CLEC16A: variants seen among roughly 807,000 people sequenced by gnomAD.
CLEC16A encodes protein CLEC16A.
In CLEC16A, 51 loss-of-function variants were observed where a neutral mutation model predicts 109.5. The ratio of observed to expected loss-of-function variants is 0.47; its 90% confidence interval spans 0.37 to 0.59. The LOEUF (loss-of-function observed/expected upper bound fraction) is 0.59, where lower values mean the gene tolerates loss of function less well. Among genes scored for constraint, CLEC16A ranks in the 20% least tolerant of loss-of-function variants. CLEC16A has a pLI of 0.00. For missense variants in CLEC16A, 1,339 were observed against 1,394.0 expected (o/e 0.96, Z 0.63); for synonymous variants, 673 against 564.2 (o/e 1.19, Z -2.73).
At chr16:11,123,240 C>G (rs1055310383) in intron 20 of CLEC16A, among the ~76,000 whole-genome samples, 3 of 152,140 alleles carry the variant, frequency 2.0e-5, no homozygotes, top group African/African-American at 7.2e-5. Context: ...CCTTTGGGGA[C>G]CAGAAGTTTG....
chr16:10,996,411 G>A (rs977255558), intron 10 of CLEC16A, among the ~76,000 whole-genome samples: 2 of 152,176 alleles, frequency 1.3e-5, no homozygotes, highest in Admixed American at 6.5e-5. Context: ...CCAGCCCCAG[G>A]TGACCTAGGC....
intron 22 of CLEC16A, chr16:11,157,329 G>A (rs2054571576): frequency 2.3e-6 from 2 of 860,426 alleles, no homozygotes; most frequent in South Asian, 2.1e-5. Context: ...CCAGGTGCCT[G>A]ATGTGTAGAC....
chr16:11,051,675 C>A (rs773618726), intron 18 of CLEC16A, 34 bp downstream of exon 18: 2 of 1,608,014 alleles, frequency 1.2e-6, no homozygotes, highest in Admixed American at 3.3e-5. Context: ...TCTCCTGGGC[C>A]ACTGTTCTCC....
At chr16:11,053,448 A>G (rs992159941) in intron 18 of CLEC16A, among the ~76,000 whole-genome samples, 20 of 151,520 alleles carry the variant, frequency 1.3e-4, no homozygotes, top group Admixed American at 9.9e-4. Context: ...GCTCACTGCA[A>G]CACACTCTGC....
At chr16:11,094,295 G>A (rs2050479348) in intron 19 of CLEC16A, among the ~76,000 whole-genome samples, 1 of 152,160 alleles carries the variant, frequency 6.6e-6, no homozygotes, top group African/African-American at 2.4e-5. Context: ...GGTTCCAGAG[G>A]CTTGACTCAG....
At chr16:11,064,086 AC>A (rs2048635814) in intron 19 of CLEC16A, among the ~76,000 whole-genome samples, 2 of 152,236 alleles carry the variant, frequency 1.3e-5, no homozygotes, top group Admixed American at 1.3e-4. Flanking sequence ...CTCAGCTTCA[AC>A]AGTTTTTACC....
At chr16:11,074,249 A>G (rs546185051) in intron 19 of CLEC16A, among the ~76,000 whole-genome samples, 1 of 152,314 alleles carries the variant, frequency 6.6e-6, no homozygotes, top group South Asian at 2.1e-4. Context: ...TAAACCACCA[A>G]TTCTCTAAGG....
chr16:11,156,933 A>ACCCCCCCCCCCCCC, intron 22 of CLEC16A: 1 of 55,154 alleles, frequency 1.8e-5, no homozygotes, highest in Non-Finnish European at 3.6e-5. Flanking sequence ...CCCCCCACCC[A>ACCCCCCCCCCCCCC]CCCCCTGCCG....
intron 22 of CLEC16A, among the ~76,000 whole-genome samples, chr16:11,164,240 C>G (rs111509280): frequency 9.0e-4 from 137 of 152,342 alleles, no homozygotes; most frequent in African/African-American, 3.0e-3. Flanking sequence ...CCGCCTCACT[C>G]GGAGACTCAC....
chr16:11,020,971 T>C (rs2046064289), intron 12 of CLEC16A, among the ~76,000 whole-genome samples: 1 of 152,200 alleles, frequency 6.6e-6, no homozygotes, highest in South Asian at 2.1e-4. Flanking sequence ...CATTTCAGAG[T>C]TATTTCCTTA....
chr16:10,955,051 C>T lies in CLEC16A; in HGVS notation c.81-2731C>T, dbSNP rs112391719. Among the ~76,000 whole-genome samples the T allele has an allele frequency of 1.6e-3, 245 of 152,300 alleles. 3 individuals carry two copies. Among genetic ancestry groups the T allele is most frequent in the African/African-American group, 5.6e-3 (232 of 41,548 alleles). On this transcript the variant is annotated intron_variant, in intron 1 of 23. Coordinates refer to ENST00000409790, the MANE Select transcript of CLEC16A (RefSeq NM_015226.3). ...ACCCAGTGAGGAAGCCTTGACTGTT[C>T]CCACCACTGTGTAGAATCTGAGCTG...
At chr16:10,959,002 C>T (rs2042123256) in intron 2 of CLEC16A, among the ~76,000 whole-genome samples, 1 of 146,606 alleles carries the variant, frequency 6.8e-6, no homozygotes, top group Admixed American at 6.8e-5. Context: ...GTTATGACAA[C>T]CACTAAACAC....
chr16:11,009,214 T>C (rs1328211689), intron 11 of CLEC16A, among the ~76,000 whole-genome samples: 1 of 152,230 alleles, frequency 6.6e-6, no homozygotes, highest in Admixed American at 6.5e-5. Context: ...CTTGCATCAC[T>C]TAGCATAAAG....
chr16:11,006,702 A>G (rs1353029431), intron 11 of CLEC16A, among the ~76,000 whole-genome samples: 3 of 152,130 alleles, frequency 2.0e-5, no homozygotes, highest in Non-Finnish European at 4.4e-5. Context: ...ATTAGTGTGT[A>G]TTGTTTTGTT....
At chr16:11,137,098 G>C (rs765137145) in intron 22 of CLEC16A, among the ~76,000 whole-genome samples, 3 of 152,194 alleles carry the variant, frequency 2.0e-5, no homozygotes, top group Non-Finnish European at 4.4e-5. Context: ...AGTCATCAGA[G>C]AGCATGACTT....
intron 19 of CLEC16A, among the ~76,000 whole-genome samples, chr16:11,068,733 C>G (rs1248725126): frequency 6.6e-6 from 1 of 152,242 alleles, no homozygotes; most frequent in African/African-American, 2.4e-5. Flanking sequence ...AAAATACAGT[C>G]AGCCCTATGT....
At chr16:11,001,201 T>G (rs2044650120) in intron 10 of CLEC16A, among the ~76,000 whole-genome samples, 1 of 152,226 alleles carries the variant, frequency 6.6e-6, no homozygotes. Context: ...TCCTTCTACC[T>G]CAGCCTCTGA....
chr16:11,070,074 ATT>A (rs35348492), intron 19 of CLEC16A, among the ~76,000 whole-genome samples: 350 of 143,658 alleles, frequency 2.4e-3, no homozygotes, highest in African/African-American at 6.1e-3. Flanking sequence ...AACTGCCACC[ATT>A]TTTTTTTTTT....
In CLEC16A at chr16:11,179,640, T is replaced by C. The variant is rs1004939493; in HGVS notation, c.*950T>C. The stretch of plus-strand genomic sequence containing the variant: ...GTTACCATCTCTAAGAAGGAACCAG[T>C]TGGGACCGTGAAGACTCCCGACCCT... On this transcript the variant is annotated 3_prime_UTR_variant, in exon 24 of 24. Coordinates refer to ENST00000409790, the MANE Select transcript of CLEC16A (RefSeq NM_015226.3). 2 of 152,266 alleles carry C rather than the reference T, an allele frequency of 1.3e-5. No individual in the cohort carries two copies. The highest frequency in any genetic ancestry group is 4.8e-5 in the African/African-American group (2 of 41,466). 9.4% of individuals were successfully genotyped at this position (152,266 alleles called of 1,614,324 possible).
Sources: allele counts gnomAD v4.1 joint callset (sites outside exome capture counted in the v4.1 genomes callset), GRCh38; gene constraint gnomAD v4.1.1; transcripts MANE v1.5; gene names NCBI Gene and HGNC (gene_info 2026-07-23, HGNC 2026-07-21).